Variants in BRINP3 observed in about 807,000 individuals in gnomAD.
The protein encoded by BRINP3 is BMP/retinoic acid inducible neural specific 3, also known as BMP/retinoic acid-inducible neural-specific protein 3.
BRINP3 carries 19 observed loss-of-function variants against 71.0 expected under a neutral mutation model. That is an observed-to-expected ratio of 0.27 (90% CI 0.19 to 0.39). The LOEUF is 0.39. Among genes scored for constraint, BRINP3 ranks in the 10% least tolerant of loss-of-function variants. BRINP3 has a pLI of 1.00. For synonymous variants in BRINP3, 380 were observed against 337.7 expected (o/e 1.13, Z -1.37); for missense variants, 959 against 940.8 (o/e 1.02, Z -0.25).
chr1:190,445,414 CTATTT>C (rs1675145520), intron 2 of BRINP3, among the ~76,000 whole-genome samples: 1 of 151,916 alleles, frequency 6.6e-6, no homozygotes, highest in Non-Finnish European at 1.5e-5. Flanking sequence ...GTCAGCATTG[CTATTT>C]TATTTTTATA....
rs375850715 is a variant in BRINP3, at chr1:190,106,891, A to G, written c.1185-7757T>C. ...CATTGAAAACCTGAAAACAAATGAA[A>G]TTGTATAATTTAAATAATTTAATGA... On this transcript the variant is annotated intron_variant, in intron 7 of 7. Transcript: ENST00000367462. 3.9e-5 allele frequency among the ~76,000 whole-genome samples: 6 copies of G among 151,956 alleles called. 1 individual carries two copies. In the East Asian group the frequency reaches 1.2e-3, roughly 29 times the overall value.
chr1:190,140,342 A>G (rs1363273718), intron 7 of BRINP3, among the ~76,000 whole-genome samples: 3 of 152,128 alleles, frequency 2.0e-5, no homozygotes, highest in Admixed American at 6.6e-5. Flanking sequence ...TAGAAAGATA[A>G]GAAGATGCAA....
intron 6 of BRINP3, among the ~76,000 whole-genome samples, chr1:190,162,267 T>G (rs1323631782): frequency 6.6e-6 from 1 of 151,700 alleles, no homozygotes; most frequent in African/African-American, 2.4e-5. Flanking sequence ...CTCGGTTCAC[T>G]GCAACCTCCA....
chr1:190,220,629 T>C (rs1368162989), intron 6 of BRINP3, among the ~76,000 whole-genome samples: 2 of 152,140 alleles, frequency 1.3e-5, no homozygotes, highest in Non-Finnish European at 2.9e-5. Flanking sequence ...ATTTTCAATG[T>C]GTTCAAAGAT....
intron 1 of BRINP3, among the ~76,000 whole-genome samples, chr1:190,465,533 T>G (rs2102682359): frequency 6.6e-6 from 1 of 152,064 alleles, no homozygotes; most frequent in Non-Finnish European, 1.5e-5. Flanking sequence ...TTCTTCACTA[T>G]CCTGAAGGTG....
At chr1:190,391,802 A>G (rs939604596) in intron 2 of BRINP3, among the ~76,000 whole-genome samples, 2 of 151,774 alleles carry the variant, frequency 1.3e-5, no homozygotes, top group Non-Finnish European at 2.9e-5. Flanking sequence ...TGTCAGTGCT[A>G]GAGACCAAAA....
intron 2 of BRINP3, among the ~76,000 whole-genome samples, chr1:190,436,539 T>C (rs534585710): frequency 1.3e-5 from 2 of 152,036 alleles, no homozygotes; most frequent in South Asian, 2.1e-4. Flanking sequence ...TTGCATCTCT[T>C]ATAATTTTTG....
At chr1:190,386,153 C>T (rs1375863918) in intron 2 of BRINP3, among the ~76,000 whole-genome samples, 4 of 147,726 alleles carry the variant, frequency 2.7e-5, no homozygotes, top group Admixed American at 1.4e-4. Flanking sequence ...GTGGTTGCAG[C>T]GCACCAGCAT....
At chr1:190,312,306 T>C (rs1308325621) in intron 2 of BRINP3, among the ~76,000 whole-genome samples, 6 of 150,972 alleles carry the variant, frequency 4.0e-5, no homozygotes, top group Non-Finnish European at 7.4e-5. Flanking sequence ...TATGCATGTA[T>C]CTGAAAAAGC....
At chr1:190,126,161 G>T (rs1654069435) in intron 7 of BRINP3, among the ~76,000 whole-genome samples, 2 of 151,798 alleles carry the variant, frequency 1.3e-5, no homozygotes. Flanking sequence ...TAAACAATTG[G>T]AATAAAAAAT....
At chr1:190,460,621 A>G (rs964489040) in intron 1 of BRINP3, among the ~76,000 whole-genome samples, 2 of 152,194 alleles carry the variant, frequency 1.3e-5, no homozygotes, top group East Asian at 3.8e-4. Context: ...CTTAATAAAG[A>G]TAGTGCTTCT....
chr1:190,311,082 A>T (rs1038624388), intron 2 of BRINP3, among the ~76,000 whole-genome samples: 16 of 151,730 alleles, frequency 1.1e-4, no homozygotes, highest in African/African-American at 3.9e-4. Flanking sequence ...ATTATGTTGT[A>T]CTTTCTTTCT....
At chr1:190,236,072 G>T in intron 4 of BRINP3, among the ~76,000 whole-genome samples, 1 of 152,056 alleles carries the variant, frequency 6.6e-6, no homozygotes, top group Middle Eastern at 3.4e-3. Context: ...GAGCAGGAAA[G>T]ACATTAAGGC....
chr1:190,097,891 A>G lies in BRINP3; in HGVS notation c.*127T>C. 4 of 1,053,294 alleles carry G rather than the reference A, an allele frequency of 3.8e-6. No individual in the cohort carries two copies. Among genetic ancestry groups the G allele is most frequent in the Non-Finnish European group, 5.5e-6 (4 of 731,880 alleles). The allele number at this position is 1,053,294 out of a possible 1,614,324, so 65.2% of individuals were successfully genotyped here. A position where few individuals can be genotyped will look rare whatever the true frequency, so the allele number is the denominator to read the frequency against. ...GTTCATGTGTGTAAATTGCCATCCA[A>G]TGTTATTGACTGATATAAGACAGAT... On this transcript the variant is annotated 3_prime_UTR_variant, in exon 8 of 8. Coordinates refer to ENST00000367462, the MANE Select transcript of BRINP3 (RefSeq NM_199051.3).
At chr1:190,199,665 G>A (rs1350796687) in intron 6 of BRINP3, among the ~76,000 whole-genome samples, 3 of 151,616 alleles carry the variant, frequency 2.0e-5, no homozygotes, top group Admixed American at 1.3e-4. Context: ...TTTGTCACAA[G>A]TTAGGAGAAA....
At chr1:190,448,979 T>C (rs1189811780) in intron 2 of BRINP3, among the ~76,000 whole-genome samples, 5 of 151,956 alleles carry the variant, frequency 3.3e-5, no homozygotes, top group African/African-American at 1.2e-4. Flanking sequence ...TAAATTTGAA[T>C]TTCCACTCTC....
At chr1:190,392,318 G>T (rs1407011215) in intron 2 of BRINP3, among the ~76,000 whole-genome samples, 1 of 151,524 alleles carries the variant, frequency 6.6e-6, no homozygotes, top group Non-Finnish European at 1.5e-5. Context: ...TATACAGACT[G>T]GGAATTGAGT....
intron 7 of BRINP3, among the ~76,000 whole-genome samples, chr1:190,156,544 A>G (rs1020195143): frequency 2.6e-5 from 4 of 151,702 alleles, no homozygotes; most frequent in African/African-American, 9.7e-5. Context: ...ATGTCATTTC[A>G]TATTATTCTT....
At chr1:190,286,701 T>G (rs1171925222) in intron 2 of BRINP3, among the ~76,000 whole-genome samples, 1 of 152,080 alleles carries the variant, frequency 6.6e-6, no homozygotes, top group Non-Finnish European at 1.5e-5. Flanking sequence ...ACCATTAAAA[T>G]TTTCAGACAC....
Sources: gnomAD v4.1 joint callset for allele counts (sites outside exome capture counted in the v4.1 genomes callset) on GRCh38, gnomAD v4.1.1 for gene constraint, MANE v1.5 for transcripts, NCBI Gene and HGNC (gene_info 2026-07-23, HGNC 2026-07-21) for gene names.